TMEM8B: variants seen among roughly 807,000 people sequenced by gnomAD.
The protein encoded by TMEM8B is transmembrane protein 8B, also known as nasopharyngeal carcinoma expressed 6.
A neutral mutation model predicts 49.3 loss-of-function variants in TMEM8B; 29 were observed. The ratio of observed to expected loss-of-function variants is 0.59; its 90% confidence interval spans 0.44 to 0.80. The LOEUF (loss-of-function observed/expected upper bound fraction) is 0.80, where lower values mean the gene tolerates loss of function less well. Ranked by LOEUF, TMEM8B falls within the 30% of genes least tolerant of loss-of-function variation. The pLI, the probability that TMEM8B is intolerant of heterozygous loss-of-function variation, is 0.00. For missense variants in TMEM8B, 575 were observed against 658.5 expected (o/e 0.87, Z 1.39); for synonymous variants, 264 against 272.8 (o/e 0.97, Z 0.32).
At chr9:35,831,624 C>G (rs1191734047) in intron 1 of TMEM8B, among the ~76,000 whole-genome samples, 1 of 152,216 alleles carries the variant, frequency 6.6e-6, no homozygotes. Context: ...AGCTTCCATC[C>G]TCTGCCATCA....
At position 35,855,062 on chromosome 9, in the gene TMEM8B, A is replaced by G. The variant is rs1251057680; in HGVS notation, c.*1222A>G. 4 of 152,128 alleles carry G rather than the reference A, an allele frequency of 2.6e-5. No individual in the cohort carries two copies. The highest frequency in any genetic ancestry group is 5.9e-5 in the Non-Finnish European group (4 of 68,028). The allele number at this position is 152,128 out of a possible 1,614,324, so 9.4% of individuals were successfully genotyped here. A position where few individuals can be genotyped will look rare whatever the true frequency, so the allele number is the denominator to read the frequency against. On this transcript the variant is annotated 3_prime_UTR_variant, in exon 13 of 13. Coordinates refer to ENST00000643932, the MANE Select transcript of TMEM8B (RefSeq NM_001042590.4). ...TCCAGACAGTTCATCTGGGATGCAGAGAGATTTCTTGTTCCCATTTGCATT... is the reference window on the plus strand; with the variant it reads ...TCCAGACAGTTCATCTGGGATGCAGGGAGATTTCTTGTTCCCATTTGCATT...
chr9:35,848,376 C>G (rs915287762), intron 10 of TMEM8B, among the ~76,000 whole-genome samples: 1 of 152,190 alleles, frequency 6.6e-6, no homozygotes, highest in African/African-American at 2.4e-5. Context: ...CCAAATCCTC[C>G]AGCAACAGCT....
intron 10 of TMEM8B, among the ~76,000 whole-genome samples, chr9:35,850,751 A>G (rs1832060900): frequency 6.6e-6 from 1 of 152,204 alleles, no homozygotes; most frequent in Non-Finnish European, 1.5e-5. Context: ...TTCTGCTGAT[A>G]TATATCTTCC....
rs1212081189 is a variant in TMEM8B at position 35,834,918 on chromosome 9, G to A, written c.699-93G>A. On this transcript the variant is annotated intron_variant, in intron 2 of 12. Transcript: ENST00000643932. ...GTATAGGGAATCTATTTGTTTTATCGGTGAAGAGTGACAGTTCTTTTCTTT... is the reference window on the plus strand; with the variant it reads ...GTATAGGGAATCTATTTGTTTTATCAGTGAAGAGTGACAGTTCTTTTCTTT... The A allele has an allele frequency of 2.3e-4, 94 of 414,746 alleles. No homozygotes were observed. The East Asian group carries it at 3.3e-3, about 14-fold the overall frequency. 25.7% of individuals were successfully genotyped at this position (414,746 alleles called of 1,614,324 possible).
chr9:35,858,235 G>A lies in TMEM8B; in HGVS notation c.*4395G>A, dbSNP rs2132425272. On this transcript the variant is annotated 3_prime_UTR_variant, in exon 13 of 13. Transcript: ENST00000643932. ...TCCTCCCTAGTAGCTGGGATTACAGGTGCACCACCACACCTGGCTAATTTT... is the reference window on the plus strand; with the variant it reads ...TCCTCCCTAGTAGCTGGGATTACAGATGCACCACCACACCTGGCTAATTTT... 6.6e-6 allele frequency: 1 copy of A among 152,010 alleles called. No homozygotes were observed. Among genetic ancestry groups the A allele is most frequent in the Non-Finnish European group, 1.5e-5 (1 of 68,012 alleles). 9.4% of individuals were successfully genotyped at this position (152,010 alleles called of 1,614,324 possible).
intron 3 of TMEM8B, among the ~76,000 whole-genome samples, chr9:35,840,040 G>T (rs535168119): frequency 3.3e-5 from 5 of 152,192 alleles, no homozygotes; most frequent in African/African-American, 1.2e-4. Context: ...GAGTTTGAAG[G>T]TATGTCCTAA....
rs1297232248 is a variant in TMEM8B, at chr9:35,846,569, C to T, written c.1954C>T (p.Arg652Cys). Residue 652 changes from arginine to cysteine, a missense_variant, in exon 9 of 13, where the codon CGC becomes TGC. Transcript: ENST00000643932. ...CGPYGQCKLL[R>C]THNYLYAACE... ...GCCCTACGGCCAGTGCAAGCTGCTG[C>T]GCACACACAATTATCTGTACGCAGC... 2 of 1,572,914 alleles carry T rather than the reference C, an allele frequency of 1.3e-6. No homozygotes were observed. Among genetic ancestry groups the T allele is most frequent in the Non-Finnish European group, 8.6e-7 (1 of 1,159,054 alleles).
intron 1 of TMEM8B, 31 bp downstream of exon 1, chr9:35,829,986 G>C (rs1829686201): frequency 2.4e-6 from 1 of 415,538 alleles, no homozygotes; most frequent in Non-Finnish European, 4.4e-6. Context: ...GATTGAGGCA[G>C]GAATGGGGTT....
Position 35,853,670 on chromosome 9 carries a change from A to C in TMEM8B, c.2605A>C (p.Ile869Leu). The C allele has an allele frequency of 6.2e-7, 1 of 1,614,178 alleles. No homozygotes were observed. The highest frequency in any genetic ancestry group is 8.5e-7 in the Non-Finnish European group (1 of 1,180,020). ...FYIHSIWHML[I>L]AGSVGFLLPP... ...CATTCACAGCATTTGGCATATGCTC[A>C]TTGCGGGCAGTGTGGGCTTCCTGCT... Residue 869 changes from isoleucine (I) to leucine (L), a missense_variant, in exon 13 of 13, where the codon ATT becomes CTT. Transcript: ENST00000643932. The surrounding 1 kb of genome is among the most constrained non-coding windows in gnomAD (Gnocchi z 4.2).
rs760684061 is a variant in TMEM8B at position 35,846,946 on chromosome 9, G to T, written c.2126G>T (p.Arg709Leu). The T allele has an allele frequency of 6.2e-7, 1 of 1,614,092 alleles. No homozygotes were observed. Among genetic ancestry groups the T allele is most frequent in the African/African-American group, 1.3e-5 (1 of 74,934 alleles). ...LPPVVLAIRSRYVLEAAVYTF... is the reference protein window; with the variant it reads ...LPPVVLAIRSLYVLEAAVYTF... The stretch of plus-strand genomic sequence containing the variant: ...CCTGTGGTCCTGGCCATTCGGAGTC[G>T]ATATGTGCTGGAAGCTGCAGTCTAC... The change falls in exon 10 of 13, where the codon CGA (arginine) becomes CTA (leucine). Residue 709 changes from arginine to leucine, a missense_variant. By Grantham distance (102) the Arg-to-Leu change is moderately radical. Transcript: ENST00000643932.
chr9:35,848,675 CTTTTTTTT>C (rs34593597), intron 10 of TMEM8B, among the ~76,000 whole-genome samples: 2 of 132,136 alleles, frequency 1.5e-5, no homozygotes, highest in African/African-American at 2.8e-5. Context: ...TGTTTTTTTT[CTTTTTTTT>C]TTTTTTTTTG....
chr9:35,856,661 C>G lies in TMEM8B; in HGVS notation c.*2821C>G, dbSNP rs937603238. 6.6e-6 allele frequency: 1 copy of G among 152,106 alleles called. No homozygotes were observed. The highest frequency in any genetic ancestry group is 2.4e-5 in the African/African-American group (1 of 41,380). 9.4% of individuals were successfully genotyped at this position (152,106 alleles called of 1,614,324 possible). ...TGGTGAAGCCTTCTTAAAGCAATAT[C>G]GGTGGAAAGGAGGGGACCAATTTAA... On this transcript the variant is annotated 3_prime_UTR_variant, in exon 13 of 13. Transcript: ENST00000643932.
At chr9:35,835,977 G>A (rs1299478590) in intron 3 of TMEM8B, among the ~76,000 whole-genome samples, 2 of 152,236 alleles carry the variant, frequency 1.3e-5, no homozygotes, top group Admixed American at 6.5e-5. Context: ...GGAGAAGCAG[G>A]GGGTGTGCTG....
Position 35,835,058 on chromosome 9 carries a change from A to G in TMEM8B, c.746A>G (p.His249Arg), listed in dbSNP as rs1165551837. 2.4e-6 allele frequency: 1 copy of G among 415,306 alleles called. No individual in the cohort carries two copies. The highest frequency in any genetic ancestry group is 4.4e-6 in the Non-Finnish European group (1 of 226,358). The allele number at this position is 415,306 out of a possible 1,614,324, so 25.7% of individuals were successfully genotyped here. Residue 249 changes from histidine to arginine, a missense_variant, in exon 3 of 13, where the codon CAC (histidine) becomes CGC (arginine). Physicochemically the swap from His to Arg is conservative, Grantham distance 29. Transcript: ENST00000643932. ...CCTGTCATCAATCCCCTGCATACACACTTCCCAGGGGACACAGCTGTGCCT... is the reference window on the plus strand; with the variant it reads ...CCTGTCATCAATCCCCTGCATACACGCTTCCCAGGGGACACAGCTGTGCCT... ...APPVINPLHTHFPGDTAVPGV... is the reference protein window; with the variant it reads ...APPVINPLHTRFPGDTAVPGV...
At chr9:35,844,855 G>A (rs1262242295) in intron 6 of TMEM8B, among the ~76,000 whole-genome samples, 2 of 152,034 alleles carry the variant, frequency 1.3e-5, no homozygotes, top group Non-Finnish European at 2.9e-5. Context: ...TCTATGACGC[G>A]TGCTAAGCAC....
intron 8 of TMEM8B, 36 bp from the exon 9 acceptor site, chr9:35,846,433 G>A: frequency 6.3e-7 from 1 of 1,597,682 alleles, no homozygotes; most frequent in Non-Finnish European, 8.5e-7. Flanking sequence ...GGCGGGGGTG[G>A]CCCGGGGCCC....
At chr9:35,846,702 G>C in intron 9 of TMEM8B, 91 bp downstream of exon 9, 2 of 1,543,998 alleles carry the variant, frequency 1.3e-6, no homozygotes, top group East Asian at 2.3e-5. Flanking sequence ...GGAGTGCGCA[G>C]CCTGAATTGG....
At position 35,862,154 on chromosome 9, in the gene TMEM8B, G is replaced by T. The variant is rs1032726841; in HGVS notation, c.*8314G>T. On this transcript the variant is annotated 3_prime_UTR_variant, in exon 13 of 13. Coordinates refer to ENST00000643932, the MANE Select transcript of TMEM8B (RefSeq NM_001042590.4). ...TACTATGTGTTAGGCCCTGGGCCAG[G>T]TGCTGGGAATACAGCAGAGACAGAC... 6.6e-6 allele frequency: 1 copy of T among 152,234 alleles called. No homozygotes were observed. Among genetic ancestry groups the T allele is most frequent in the African/African-American group, 2.4e-5 (1 of 41,450 alleles). The allele number at this position is 152,234 out of a possible 1,614,324, so 9.4% of individuals were successfully genotyped here.
In TMEM8B at chr9:35,846,510, G is replaced by T. The variant is rs1428211188; in HGVS notation, c.1895G>T (p.Arg632Leu). 2.5e-6 allele frequency: 4 copies of T among 1,593,394 alleles called. No homozygotes were observed. Among genetic ancestry groups the T allele is most frequent in the African/African-American group, 1.3e-5 (1 of 74,674 alleles). Reference sequence around the variant, plus strand: ...AACGCGACGGCCGAGGTGCGGATGCGCACCTTCCTGTCCCCATGCGTGGAC... The same window carrying T: ...AACGCGACGGCCGAGGTGCGGATGCTCACCTTCCTGTCCCCATGCGTGGAC... ...CRNATAEVRMRTFLSPCVDDC... is the reference protein window; with the variant it reads ...CRNATAEVRMLTFLSPCVDDC... The change falls in exon 9 of 13, where the codon CGC becomes CTC. Residue 632 changes from arginine (R) to leucine (L), a missense_variant. Transcript: ENST00000643932.
Sources: allele counts gnomAD v4.1 joint callset (sites outside exome capture counted in the v4.1 genomes callset), GRCh38; gene constraint gnomAD v4.1.1; non-coding constraint Gnocchi (gnomAD v3.1); transcripts MANE v1.5; gene names NCBI Gene and HGNC (gene_info 2026-07-23, HGNC 2026-07-21).